ROBO2: variants seen among roughly 807,000 people sequenced by gnomAD.
ROBO2 encodes the protein roundabout guidance receptor 2.
Under a neutral mutation model 160.8 loss-of-function variants are expected in ROBO2, and 53 were observed. The observed-to-expected ratio is 0.33, with a 90% CI of 0.26 to 0.41. The LOEUF is 0.41. ROBO2 is among the 10% of genes least tolerant of loss of function. The probability of loss-of-function intolerance (pLI) is 1.00; values close to 1 mark genes in which losing one functional copy is unlikely to be tolerated. For synonymous variants in ROBO2, 664 were observed against 611.7 expected, an observed-to-expected ratio of 1.09 and a Z score of -1.26; for missense variants, 1,577 against 1,722.4, an observed-to-expected ratio of 0.92 and a Z score of 1.49.
chr3:77,575,510 G>A (rs916108719), intron 14 of ROBO2, among the ~76,000 whole-genome samples: 2 of 151,992 alleles, frequency 1.3e-5, no homozygotes, highest in African/African-American at 2.4e-5. Context: ...GGTTGCCCAC[G>A]TTAACATCTA....
chr3:76,004,214 T>C (rs2065961228), intron 2 of ROBO2, among the ~76,000 whole-genome samples: 1 of 152,110 alleles, frequency 6.6e-6, no homozygotes, highest in African/African-American at 2.4e-5. Context: ...AAGAATACAA[T>C]ATAGACATAT....
At chr3:76,121,327 G>T (rs1160088129) in intron 2 of ROBO2, among the ~76,000 whole-genome samples, 3 of 152,112 alleles carry the variant, frequency 2.0e-5, no homozygotes, top group African/African-American at 4.8e-5. Flanking sequence ...ATATTATTGA[G>T]TAGTAAGGAG....
intron 2 of ROBO2, among the ~76,000 whole-genome samples, chr3:77,200,088 G>A (rs905239655): frequency 2.5e-4 from 37 of 150,366 alleles, no homozygotes; most frequent in Non-Finnish European, 5.5e-4. Flanking sequence ...GTATAAGTAT[G>A]TATAAAAACG....
At chr3:77,277,913 C>T (rs769976690) in intron 2 of ROBO2, among the ~76,000 whole-genome samples, 10 of 152,230 alleles carry the variant, frequency 6.6e-5, no homozygotes, top group Non-Finnish European at 1.3e-4. Flanking sequence ...AAATAATTTA[C>T]GTTACCACCA....
intron 1 of ROBO2, among the ~76,000 whole-genome samples, chr3:77,066,740 C>G (rs889253678): frequency 6.6e-6 from 1 of 151,886 alleles, no homozygotes; most frequent in African/African-American, 2.4e-5. Context: ...TACAAGTAGG[C>G]AATCTAAAGA....
intron 2 of ROBO2, among the ~76,000 whole-genome samples, chr3:76,414,229 C>G (rs551493077): frequency 9.9e-5 from 15 of 152,272 alleles, no homozygotes; most frequent in African/African-American, 3.6e-4. Flanking sequence ...ATGGCCAAAG[C>G]ATATCATGCC....
chr3:77,104,897 C>T (rs1310462022), intron 2 of ROBO2, among the ~76,000 whole-genome samples: 1 of 152,068 alleles, frequency 6.6e-6, no homozygotes, highest in Admixed American at 6.5e-5. Context: ...CCTAATAAAT[C>T]CTTGTGTAAC....
chr3:76,371,577 A>G (rs1235023185), intron 2 of ROBO2, among the ~76,000 whole-genome samples: 1 of 151,964 alleles, frequency 6.6e-6, no homozygotes, highest in African/African-American at 2.4e-5. Flanking sequence ...AAAGCAAAAC[A>G]AGAAACTTAA....
At chr3:76,147,622 A>G (rs114941378) in intron 2 of ROBO2, among the ~76,000 whole-genome samples, 1,928 of 152,182 alleles carry the variant, frequency 0.013, 47 homozygotes, top group African/African-American at 0.044. Context: ...ATATATGCTC[A>G]GTAACATAAC....
chr3:76,455,692 TC>T (rs1176102628), intron 2 of ROBO2, among the ~76,000 whole-genome samples: 1 of 152,136 alleles, frequency 6.6e-6, no homozygotes, highest in Non-Finnish European at 1.5e-5. Flanking sequence ...ATTGACCAGT[TC>T]TACTTTTCAT....
At chr3:77,278,324 A>C (rs550414818) in intron 2 of ROBO2, among the ~76,000 whole-genome samples, 14 of 152,126 alleles carry the variant, frequency 9.2e-5, no homozygotes, top group Admixed American at 8.5e-4. Context: ...TTCAATCTCT[A>C]CTCTGGCCTT....
intron 2 of ROBO2, among the ~76,000 whole-genome samples, chr3:77,355,726 TATTC>T (rs1299547020): frequency 6.6e-6 from 1 of 152,168 alleles, no homozygotes; most frequent in Non-Finnish European, 1.5e-5. Context: ...AAGAAAAACT[TATTC>T]ATCAAAACAA....
rs148625157 is a variant in ROBO2 at position 76,272,271 on chromosome 3, C to T, written c.109+334669C>T. ...ATGCCTTGGTAGGGCCATCTCTTTA[C>T]GAAATTCATAGCTTATATAATAAAT... On this transcript the variant is annotated intron_variant, in intron 2 of 26. Transcript: ENST00000487694. 3.8e-3 allele frequency among the ~76,000 whole-genome samples: 571 copies of T among 151,908 alleles called. 7 individuals are homozygous for T. Among genetic ancestry groups the T allele is most frequent in the African/African-American group, 0.013 (538 of 41,438 alleles).
chr3:77,596,848 AT>A, intron 19 of ROBO2, 98 bp downstream of exon 20: 2 of 1,348,188 alleles, frequency 1.5e-6, no homozygotes, highest in East Asian at 2.3e-5. Context: ...ATCAGAGAGT[AT>A]TTACTCCCAT....
chr3:76,845,759 G>T (rs1274126988), intron 2 of ROBO2, among the ~76,000 whole-genome samples: 5 of 151,888 alleles, frequency 3.3e-5, no homozygotes, highest in African/African-American at 1.2e-4. Context: ...AAATCAACAT[G>T]GTAACCTTCA....
chr3:77,135,916 A>G (rs2076241315), intron 2 of ROBO2, among the ~76,000 whole-genome samples: 1 of 152,240 alleles, frequency 6.6e-6, no homozygotes, highest in South Asian at 2.1e-4. Flanking sequence ...GAGCAGAATT[A>G]TTCAATTGCT....
chr3:76,196,526 T>C (rs1229107142), intron 2 of ROBO2, among the ~76,000 whole-genome samples: 2 of 152,040 alleles, frequency 1.3e-5, no homozygotes, highest in African/African-American at 4.8e-5. Flanking sequence ...GTCTAAGAAA[T>C]GAAAAATGAG....
chr3:76,918,305 C>T (rs2076450651), intron 2 of ROBO2, among the ~76,000 whole-genome samples: 1 of 152,092 alleles, frequency 6.6e-6, no homozygotes, highest in Admixed American at 6.5e-5. Flanking sequence ...TCTGGCATTT[C>T]CCCTCTTTGC....
intron 2 of ROBO2, among the ~76,000 whole-genome samples, chr3:76,722,767 A>G (rs2093485182): frequency 6.6e-6 from 1 of 152,194 alleles, no homozygotes; most frequent in Admixed American, 6.5e-5. Context: ...AGGTTTATCC[A>G]TATTGTAGCA....
Sources: gnomAD v4.1 joint callset for allele counts (sites outside exome capture counted in the v4.1 genomes callset) on GRCh38, gnomAD v4.1.1 for gene constraint, MANE v1.5 for transcripts, NCBI Gene and HGNC (gene_info 2026-07-23, HGNC 2026-07-21) for gene names.